Variants in E2F3 observed in about 807,000 individuals in gnomAD.
E2F3 encodes the protein E2F transcription factor 3, also known as transcription factor E2F3.
In E2F3, 11 loss-of-function variants were observed where a neutral mutation model predicts 44.4. The observed-to-expected ratio is 0.25, with a 90% CI of 0.16 to 0.41. E2F3 has a LOEUF of 0.41. E2F3 is among the 10% of genes least tolerant of loss of function. E2F3 has a pLI of 1.00. For synonymous variants in E2F3, 249 were observed against 253.0 expected (o/e 0.98, Z 0.15); for missense variants, 487 against 583.6 (o/e 0.83, Z 1.70).
intron 1 of E2F3, among the ~76,000 whole-genome samples, chr6:20,469,291 T>A (rs1047754277): frequency 1.3e-5 from 2 of 152,156 alleles, no homozygotes; most frequent in Non-Finnish European, 2.9e-5. Flanking sequence ...GTGAGATGGG[T>A]ATCGTATCAT....
chr6:20,481,520 T>C, intron 3 of E2F3, 95 bp downstream of exon 3: 1 of 1,045,904 alleles, frequency 9.6e-7, no homozygotes, highest in Non-Finnish European at 1.4e-6. Context: ...CGCCCACACG[T>C]TCTTTTCTTT....
chr6:20,489,496 G>C (rs1762495623), intron 6 of E2F3, among the ~76,000 whole-genome samples: 1 of 152,026 alleles, frequency 6.6e-6, no homozygotes. Flanking sequence ...TCTTTTTTCA[G>C]TTGGTGAGTT....
Position 20,402,602 on chromosome 6 carries a change from A to AGCG in E2F3, c.385_387dup (p.Gly129dup), listed in dbSNP as rs746263274. The AGCG allele has an allele frequency of 6.8e-4, 901 of 1,333,562 alleles. 7 individuals are homozygous for AGCG. The South Asian group carries it at 0.012, about 18-fold the overall frequency. The allele number at this position is 1,333,562 out of a possible 1,614,324, so 82.6% of individuals were successfully genotyped here. On this transcript the variant is annotated inframe_insertion, in exon 1 of 7. Transcript: ENST00000346618. This position sits in a 1 kb window ranked among gnomAD's most constrained non-coding sequence, Gnocchi z 5.6. ...GCCACCAGCGCTGGGACGCGGCGGC[A>AGCG]GCGGCGGCGGCGGCGGCCCTCCGGT... is the stretch of plus-strand genomic sequence containing the variant.
At chr6:20,418,929 GA>G in intron 1 of E2F3, among the ~76,000 whole-genome samples, 1 of 151,896 alleles carries the variant, frequency 6.6e-6, no homozygotes, top group South Asian at 2.1e-4. Flanking sequence ...GAGTGAAAAT[GA>G]AAATACTTTC....
chr6:20,452,757 G>A (rs1401556884), intron 1 of E2F3, among the ~76,000 whole-genome samples: 1 of 152,074 alleles, frequency 6.6e-6, no homozygotes, highest in Non-Finnish European at 1.5e-5. Flanking sequence ...AGACCATCCT[G>A]GCCAACCAAC....
At chr6:20,455,526 G>A (rs1449389789) in intron 1 of E2F3, among the ~76,000 whole-genome samples, 1 of 152,168 alleles carries the variant, frequency 6.6e-6, no homozygotes, top group African/African-American at 2.4e-5. Flanking sequence ...CTTGTCCACA[G>A]CAGAACTTGA....
intron 1 of E2F3, among the ~76,000 whole-genome samples, chr6:20,465,856 C>G (rs979874612): frequency 6.6e-6 from 1 of 152,122 alleles, no homozygotes; most frequent in Non-Finnish European, 1.5e-5. Flanking sequence ...GATTGATGGG[C>G]ATTTGGGTTG....
chr6:20,409,208 T>A (rs1378175369), intron 1 of E2F3, among the ~76,000 whole-genome samples: 2 of 152,202 alleles, frequency 1.3e-5, no homozygotes, highest in Non-Finnish European at 1.5e-5. Context: ...TTACCTTTTT[T>A]AAAAATGCGC....
intron 1 of E2F3, among the ~76,000 whole-genome samples, chr6:20,405,468 C>T (rs1389578305): frequency 6.6e-6 from 1 of 151,210 alleles, no homozygotes; most frequent in Non-Finnish European, 1.5e-5. Flanking sequence ...GCCTCAGCCT[C>T]CTGAGTAGCT....
chr6:20,425,591 G>A (rs1760189346), intron 1 of E2F3, among the ~76,000 whole-genome samples: 1 of 152,156 alleles, frequency 6.6e-6, no homozygotes, highest in Non-Finnish European at 1.5e-5. Flanking sequence ...GTTTCACCAT[G>A]TCGGCCAGGC....
intron 1 of E2F3, among the ~76,000 whole-genome samples, chr6:20,432,130 C>T (rs546238964): frequency 6.6e-6 from 1 of 152,200 alleles, no homozygotes; most frequent in African/African-American, 2.4e-5. Context: ...TTAACGGGGA[C>T]GTGGGGGTGG....
At chr6:20,468,530 T>G (rs1026342651) in intron 1 of E2F3, among the ~76,000 whole-genome samples, 12 of 152,166 alleles carry the variant, frequency 7.9e-5, no homozygotes, top group Admixed American at 1.3e-4. Context: ...ACCTGGAAGC[T>G]CTCCGTACCC....
chr6:20,419,992 A>G (rs1759971143), intron 1 of E2F3, among the ~76,000 whole-genome samples: 1 of 152,118 alleles, frequency 6.6e-6, no homozygotes, highest in South Asian at 2.1e-4. Flanking sequence ...CAGCCTACTG[A>G]GTAGCTGGGA....
At chr6:20,481,562 C>G (rs1231618069) in intron 3 of E2F3, 137 bp downstream of exon 3, 7 of 749,184 alleles carry the variant, frequency 9.3e-6, no homozygotes, top group Non-Finnish European at 1.3e-5. Context: ...CTCTCATTCT[C>G]TCTTCCCTCC....
In E2F3 at chr6:20,402,155, A is replaced by C. The variant is rs1759323730; in HGVS notation, c.-78A>C. ...AGGAGAGAAGGAGGAGAGACTTGGA[A>C]ACTCCGACTGCAAATAATAAAGAAA... On this transcript the variant is annotated 5_prime_UTR_variant, in exon 1 of 7. Coordinates refer to ENST00000346618, the MANE Select transcript of E2F3 (RefSeq NM_001949.5). The surrounding 1 kb of genome is among the most constrained non-coding windows in gnomAD (Gnocchi z 5.6). 4.1e-6 allele frequency: 6 copies of C among 1,470,766 alleles called. No individual in the cohort carries two copies. The African/African-American group carries it at 4.4e-5, about 11-fold the overall frequency. The allele number at this position is 1,470,766 out of a possible 1,614,324, so 91.1% of individuals were successfully genotyped here. A position where few individuals can be genotyped will look rare whatever the true frequency, so the allele number is the denominator to read the frequency against.
chr6:20,446,363 A>T (rs1198534257), intron 1 of E2F3, among the ~76,000 whole-genome samples: 1 of 152,182 alleles, frequency 6.6e-6, no homozygotes, highest in Non-Finnish European at 1.5e-5. Flanking sequence ...TATTACCTAT[A>T]GTTGTTTTCA....
At chr6:20,465,566 C>T (rs1488021430) in intron 1 of E2F3, among the ~76,000 whole-genome samples, 2 of 152,134 alleles carry the variant, frequency 1.3e-5, no homozygotes, top group Non-Finnish European at 2.9e-5. Context: ...ACTCATCACT[C>T]GAGCAGTGTA....
At chr6:20,436,709 A>G (rs971030502) in intron 1 of E2F3, among the ~76,000 whole-genome samples, 4 of 152,210 alleles carry the variant, frequency 2.6e-5, no homozygotes, top group Non-Finnish European at 5.9e-5. Flanking sequence ...CATAAAGGCA[A>G]TGAGAACACG....
chr6:20,490,591 T>A lies in E2F3; in HGVS notation c.*161T>A, dbSNP rs558655818. On this transcript the variant is annotated 3_prime_UTR_variant, in exon 7 of 7. Transcript: ENST00000346618. This position sits in a 1 kb window ranked among gnomAD's most constrained non-coding sequence, Gnocchi z 4.3. ...AAAGCTGACATTTTAATGAATTTTT[T>A]AAAAAATTAATAAACAAATTGTCTA... is the stretch of plus-strand genomic sequence containing the variant. 4.0e-5 allele frequency: 30 copies of A among 757,692 alleles called. No homozygotes were observed. In the South Asian group the frequency reaches 6.2e-4, roughly 16 times the overall value. 46.9% of individuals were successfully genotyped at this position (757,692 alleles called of 1,614,324 possible).
Sources: allele counts gnomAD v4.1 joint callset (sites outside exome capture counted in the v4.1 genomes callset), GRCh38; gene constraint gnomAD v4.1.1; non-coding constraint Gnocchi (gnomAD v3.1); transcripts MANE v1.5; gene names NCBI Gene and HGNC (gene_info 2026-07-23, HGNC 2026-07-21).